Variants in METAP1D observed in about 807,000 individuals in gnomAD.
METAP1D encodes methionyl aminopeptidase type 1D, mitochondrial.
In METAP1D, 31 loss-of-function variants were observed where a neutral mutation model predicts 40.5. That is an observed-to-expected ratio of 0.77 (90% confidence interval 0.58 to 1.03). METAP1D has a LOEUF of 1.03. Ranked by LOEUF, METAP1D falls within the 50% of genes least tolerant of loss-of-function variation. The pLI is 0.00. For missense variants in METAP1D, 411 were observed against 420.7 expected (o/e 0.98, Z 0.20); for synonymous variants, 151 against 146.4 (o/e 1.03, Z -0.22).
intron 1 of METAP1D, among the ~76,000 whole-genome samples, chr2:172,009,976 T>C (rs796868371): frequency 1.3e-5 from 2 of 152,074 alleles, no homozygotes; most frequent in South Asian, 2.1e-4. Context: ...GAGAACTTAG[T>C]AGGGAAAAGA....
rs1316572281 is a variant in METAP1D, at chr2:172,079,262, G to T, written c.850G>T (p.Glu284Ter). The T allele has an allele frequency of 1.9e-6, 3 of 1,613,976 alleles. No individual in the cohort carries two copies. Residue 284 changes from glutamate (E) to a stop codon, truncating the protein, a stop_gained and splice_region_variant, in exon 8 of 10, where the codon GAG becomes TAG. Transcript: ENST00000315796. LOFTEE classifies it high-confidence loss of function. ...GGAGGAGGGCATGGCATTCACTATA[G>T]GTAAATTGAGCTCCTCTTCCGAGTG... ...PMEEGMAFTI[E>*]PIITEGSPEF...
At chr2:172,058,869 G>A (rs1014873505) in intron 1 of METAP1D, among the ~76,000 whole-genome samples, 4 of 152,126 alleles carry the variant, frequency 2.6e-5, no homozygotes, top group African/African-American at 9.7e-5. Context: ...TTGCATCAGT[G>A]CCTTTCCCCA....
At chr2:172,045,817 GTGTATATATATATATATA>G (rs1454546796) in intron 1 of METAP1D, among the ~76,000 whole-genome samples, 2 of 16,346 alleles carry the variant, frequency 1.2e-4, no homozygotes, top group South Asian at 2.6e-3. Flanking sequence ...GTGTGTGTGT[GTGTATATATATATATATA>G]TATATATATA....
intron 1 of METAP1D, among the ~76,000 whole-genome samples, chr2:172,009,369 A>T (rs915974210): frequency 6.6e-6 from 1 of 151,836 alleles, no homozygotes; most frequent in Non-Finnish European, 1.5e-5. Context: ...ATATTTTTAG[A>T]CCTTGATTGA....
rs190434363 is a variant in METAP1D at position 172,047,822 on chromosome 2, C to T, written c.41-13676C>T. On this transcript the variant is annotated intron_variant, in intron 1 of 9. Transcript: ENST00000315796. ...GTCTTCAATGCAAAGTAGAATCTTC[C>T]TATAACATAATTTCTCCCATCCCAC... 2.4e-4 allele frequency among the ~76,000 whole-genome samples: 36 copies of T among 152,236 alleles called. No individual in the cohort carries two copies. The East Asian group carries it at 6.2e-3, about 26-fold the overall frequency.
At chr2:172,005,536 A>C (rs1235660487) in intron 1 of METAP1D, among the ~76,000 whole-genome samples, 7 of 117,782 alleles carry the variant, frequency 5.9e-5, no homozygotes, top group Middle Eastern at 4.8e-3. Context: ...ATATATATAT[A>C]TATATATATC....
intron 1 of METAP1D, among the ~76,000 whole-genome samples, chr2:172,029,784 T>C (rs539285537): frequency 6.6e-6 from 1 of 152,364 alleles, no homozygotes; most frequent in South Asian, 2.1e-4. Context: ...AGACAAAGTC[T>C]CACTCTGTTG....
chr2:172,069,823 C>T (rs1435118254), intron 5 of METAP1D, among the ~76,000 whole-genome samples: 1 of 152,154 alleles, frequency 6.6e-6, no homozygotes, highest in Non-Finnish European at 1.5e-5. Context: ...GCCTCAGTTT[C>T]CTGAATTATA....
At chr2:172,004,304 A>C (rs1017999109) in intron 1 of METAP1D, among the ~76,000 whole-genome samples, 1 of 151,510 alleles carries the variant, frequency 6.6e-6, no homozygotes, top group Non-Finnish European at 1.5e-5. Context: ...ATGTCTGCTC[A>C]GTTTTGCCAA....
At chr2:172,057,501 A>G (rs1165426006) in intron 1 of METAP1D, among the ~76,000 whole-genome samples, 2 of 152,116 alleles carry the variant, frequency 1.3e-5, no homozygotes, top group African/African-American at 2.4e-5. Flanking sequence ...CACCTCCCCA[A>G]AGCGTGTGTT....
chr2:172,042,199 A>G lies in METAP1D; in HGVS notation c.41-19299A>G, dbSNP rs1301007368. ...CATATGTATGTGTACATGTGTACAC[A>G]TATACATATGTATGTGTACATGTGT... is the stretch of plus-strand genomic sequence containing the variant. On this transcript the variant is annotated intron_variant, in intron 1 of 9. Coordinates refer to ENST00000315796, the MANE Select transcript of METAP1D (RefSeq NM_199227.3). 2.7e-3 allele frequency among the ~76,000 whole-genome samples: 154 copies of G among 57,200 alleles called. 25 individuals are homozygous for G. The highest frequency in any genetic ancestry group is 6.7e-3 in the African/African-American group (149 of 22,388). 37.5% of individuals were successfully genotyped at this position (57,200 alleles called of 152,430 possible).
chr2:172,045,747 A>G (rs1260894850), intron 1 of METAP1D, among the ~76,000 whole-genome samples: 9 of 97,332 alleles, frequency 9.2e-5, no homozygotes, highest in African/African-American at 2.4e-4. Flanking sequence ...ATATGTGTAT[A>G]TATGTATATA....
intron 1 of METAP1D, among the ~76,000 whole-genome samples, chr2:172,048,913 A>G (rs2105454726): frequency 6.6e-6 from 1 of 152,342 alleles, no homozygotes; most frequent in East Asian, 1.9e-4. Context: ...GCAGCCTGCT[A>G]TATACAGATA....
chr2:172,053,057 T>C (rs1689919807), intron 1 of METAP1D, among the ~76,000 whole-genome samples: 1 of 152,256 alleles, frequency 6.6e-6, no homozygotes, highest in Admixed American at 6.5e-5. Context: ...TAGTACTAGA[T>C]TATAAAAATC....
chr2:172,064,566 GC>G (rs1339807651), intron 3 of METAP1D, among the ~76,000 whole-genome samples: 1 of 149,418 alleles, frequency 6.7e-6, no homozygotes, highest in East Asian at 2.0e-4. Context: ...GTTGCAGTGA[GC>G]CAAGATCATG....
chr2:172,032,939 G>A (rs1283741634), intron 1 of METAP1D, among the ~76,000 whole-genome samples: 1 of 152,002 alleles, frequency 6.6e-6, no homozygotes, highest in African/African-American at 2.4e-5. Context: ...GGCGTCTGTA[G>A]TCCCAGCTAC....
intron 1 of METAP1D, among the ~76,000 whole-genome samples, chr2:172,053,348 T>C (rs1434742932): frequency 2.0e-5 from 3 of 152,240 alleles, no homozygotes; most frequent in Non-Finnish European, 4.4e-5. Context: ...GAGCTTACTG[T>C]AGGAGGCAAC....
intron 1 of METAP1D, among the ~76,000 whole-genome samples, chr2:172,061,255 C>G (rs917585328): frequency 6.6e-6 from 1 of 152,050 alleles, no homozygotes; most frequent in Non-Finnish European, 1.5e-5. Context: ...GTTTGTTTCC[C>G]GTTAGAGTAG....
intron 1 of METAP1D, among the ~76,000 whole-genome samples, chr2:172,048,155 G>A (rs1310600899): frequency 6.6e-6 from 1 of 152,192 alleles, no homozygotes; most frequent in African/African-American, 2.4e-5. Context: ...AGTGAGGAGA[G>A]GCCCAGTGCT....
Sources: allele counts gnomAD v4.1 joint callset (sites outside exome capture counted in the v4.1 genomes callset), GRCh38; gene constraint gnomAD v4.1.1; transcripts MANE v1.5; gene names NCBI Gene and HGNC (gene_info 2026-07-23, HGNC 2026-07-21).